The following RBFOX1 variants were observed in gnomAD, a reference collection of about 807,000 sequenced individuals.
RBFOX1 encodes the protein RNA binding protein fox-1 homolog 1.
In RBFOX1, 8 loss-of-function variants were observed where a neutral mutation model predicts 57.7. The observed-to-expected ratio is 0.14, with a 90% CI of 0.08 to 0.25. The LOEUF is 0.25. RBFOX1 is among the 10% of genes least tolerant of loss of function. The probability of loss-of-function intolerance (pLI) is 1.00; values close to 1 mark genes in which losing one functional copy is unlikely to be tolerated. For missense variants in RBFOX1, 611 were observed against 548.5 expected (o/e 1.11, Z -1.14); for synonymous variants, 326 against 222.4 (o/e 1.47, Z -4.15).
intron 4 of RBFOX1, among the ~76,000 whole-genome samples, chr16:7,370,265 T>G (rs936361976): frequency 6.6e-6 from 1 of 152,138 alleles, no homozygotes; most frequent in Admixed American, 6.5e-5. Context: ...TGCTCTAAGT[T>G]ATTTTCTTGG....
chr16:5,597,088 C>A (rs1257689838), intron 2 of RBFOX1, among the ~76,000 whole-genome samples: 1 of 152,172 alleles, frequency 6.6e-6, no homozygotes, highest in Non-Finnish European at 1.5e-5. Context: ...AAACAGAAAT[C>A]CCAGAACTCT....
chr16:6,763,702 T>C (rs1394697252), intron 3 of RBFOX1, among the ~76,000 whole-genome samples: 1 of 152,236 alleles, frequency 6.6e-6, no homozygotes, highest in Non-Finnish European at 1.5e-5. Flanking sequence ...TTTATTAGAA[T>C]GTTTGCCCCT....
intron 3 of RBFOX1, among the ~76,000 whole-genome samples, chr16:6,994,405 G>T (rs74010435): frequency 0.037 from 5,699 of 152,158 alleles, 378 homozygotes; most frequent in African/African-American, 0.13. Context: ...TAGTGCATGG[G>T]CAATGCTTCA....
At chr16:7,199,451 G>C (rs533218988) in intron 4 of RBFOX1, among the ~76,000 whole-genome samples, 1 of 152,140 alleles carries the variant, frequency 6.6e-6, no homozygotes, top group South Asian at 2.1e-4. Flanking sequence ...ATGAATGACT[G>C]AGTGTTTCAG....
chr16:6,653,089 C>T (rs78241945), intron 2 of RBFOX1, among the ~76,000 whole-genome samples: 6 of 152,124 alleles, frequency 3.9e-5, no homozygotes, highest in African/African-American at 1.2e-4. Flanking sequence ...GGGCTTTGAA[C>T]TTGCTCTTCG....
chr16:5,673,875 T>C (rs766203890), intron 3 of RBFOX1, among the ~76,000 whole-genome samples: 2 of 152,218 alleles, frequency 1.3e-5, no homozygotes, highest in Non-Finnish European at 2.9e-5. Flanking sequence ...GCCTGCATCA[T>C]CTGCTTCAGC....
At chr16:7,110,958 T>C (rs1017517454) in intron 4 of RBFOX1, among the ~76,000 whole-genome samples, 10 of 152,140 alleles carry the variant, frequency 6.6e-5, no homozygotes, top group Non-Finnish European at 1.2e-4. Flanking sequence ...TCCCTGAAAT[T>C]GTGTATCGTA....
intron 1 of RBFOX1, among the ~76,000 whole-genome samples, chr16:6,158,137 G>A (rs940156611): frequency 1.3e-5 from 2 of 152,120 alleles, no homozygotes; most frequent in Non-Finnish European, 2.9e-5. Flanking sequence ...TGGCTTCTGG[G>A]CAACCAATAA....
chr16:6,617,548 T>A (rs939908692), intron 2 of RBFOX1, among the ~76,000 whole-genome samples: 3 of 151,976 alleles, frequency 2.0e-5, no homozygotes, highest in Admixed American at 2.0e-4. Context: ...GATGGCCATG[T>A]GGTTATAGAC....
chr16:6,893,619 A>G (rs1344806774), intron 3 of RBFOX1, among the ~76,000 whole-genome samples: 1 of 152,208 alleles, frequency 6.6e-6, no homozygotes, highest in Non-Finnish European at 1.5e-5. Context: ...TAAGGAGAAA[A>G]GGAGAACAAA....
chr16:6,359,779 C>G (rs983642173), intron 2 of RBFOX1, among the ~76,000 whole-genome samples: 13 of 152,116 alleles, frequency 8.5e-5, no homozygotes, highest in African/African-American at 3.1e-4. Flanking sequence ...AGCCGACTTA[C>G]TGTGTTTGCG....
Position 7,290,241 on chromosome 16 carries a change from A to G in RBFOX1, c.28-227906A>G, listed in dbSNP as rs559611604. Among the ~76,000 whole-genome samples the G allele has an allele frequency of 7.9e-5, 12 of 152,360 alleles. No individual in the cohort carries two copies. In the East Asian group the frequency reaches 2.3e-3, roughly 29 times the overall value. ...TTAGTGAGAAAATGAGGCTATTTTG[A>G]TGAACACCAATATTTGAAATTGGGA... On this transcript the variant is annotated intron_variant, in intron 4 of 15. Transcript: ENST00000550418.
intron 4 of RBFOX1, among the ~76,000 whole-genome samples, chr16:7,432,801 T>C (rs2149637275): frequency 6.6e-6 from 1 of 152,334 alleles, no homozygotes; most frequent in South Asian, 2.1e-4. Flanking sequence ...TGTTGATTCC[T>C]GGAACTATGG....
At chr16:6,676,755 A>G (rs2057782961) in intron 3 of RBFOX1, among the ~76,000 whole-genome samples, 1 of 144,308 alleles carries the variant, frequency 6.9e-6, no homozygotes, top group African/African-American at 2.6e-5. Context: ...GGGTCACTGC[A>G]ACCTTTGCCT....
chr16:6,465,120 GATT>G (rs2095015355), intron 2 of RBFOX1, among the ~76,000 whole-genome samples: 1 of 152,184 alleles, frequency 6.6e-6, no homozygotes, highest in African/African-American at 2.4e-5. Context: ...TGGAACTGCT[GATT>G]ATTATTATTA....
At chr16:6,501,447 A>G (rs533808719) in intron 2 of RBFOX1, among the ~76,000 whole-genome samples, 2 of 151,628 alleles carry the variant, frequency 1.3e-5, no homozygotes, top group Non-Finnish European at 2.9e-5. Flanking sequence ...AGCTTCGTCC[A>G]TGTCCCTACA....
intron 12 of RBFOX1, among the ~76,000 whole-genome samples, chr16:7,654,201 T>C (rs3785222): frequency 0.85 from 129,129 of 152,230 alleles, 56,038 homozygotes; most frequent in Non-Finnish European, 0.94. Flanking sequence ...TAAATTCTCT[T>C]TGAGACTGAA....
chr16:6,119,065 C>T (rs1382986814), intron 1 of RBFOX1, among the ~76,000 whole-genome samples: 1 of 148,186 alleles, frequency 6.7e-6, no homozygotes, highest in Non-Finnish European at 1.5e-5. Context: ...ATCTTGCTTG[C>T]CATGGGATCT....
intron 4 of RBFOX1, among the ~76,000 whole-genome samples, chr16:5,959,971 C>CG (rs1567193364): frequency 6.6e-6 from 1 of 152,156 alleles, no homozygotes; most frequent in African/African-American, 2.4e-5. Flanking sequence ...GAGGCAGAGG[C>CG]GGGGGGATCA....
Sources: gnomAD v4.1 joint callset for allele counts (sites outside exome capture counted in the v4.1 genomes callset) on GRCh38, gnomAD v4.1.1 for gene constraint, MANE v1.5 for transcripts, NCBI Gene and HGNC (gene_info 2026-07-23, HGNC 2026-07-21) for gene names.